The following SOX5 variants were observed in gnomAD, a reference collection of about 807,000 sequenced individuals.
The protein encoded by SOX5 is transcription factor SOX-5.
SOX5 carries 9 observed loss-of-function variants against 92.0 expected under a neutral mutation model. The observed-to-expected ratio is 0.10, with a 90% CI of 0.06 to 0.17. The LOEUF (loss-of-function observed/expected upper bound fraction) is 0.17, where lower values mean the gene tolerates loss of function less well. SOX5 is among the 10% of genes least tolerant of loss of function. The pLI is 1.00. For missense variants in SOX5, 642 were observed against 944.5 expected (o/e 0.68, Z 4.20); for synonymous variants, 344 against 336.3 (o/e 1.02, Z -0.25).
intron 3 of SOX5, among the ~76,000 whole-genome samples, chr12:23,798,357 C>T (rs2095601831): frequency 6.6e-6 from 1 of 151,828 alleles, no homozygotes; most frequent in Admixed American, 6.6e-5. Context: ...CCTATGATTG[C>T]CATTTGAAAC....
At chr12:24,340,304 C>A (rs914091148) in intron 2 of SOX5, among the ~76,000 whole-genome samples, 1 of 152,194 alleles carries the variant, frequency 6.6e-6, no homozygotes, top group Non-Finnish European at 1.5e-5. Context: ...AAGATTATCC[C>A]AAACCTAGTA....
intron 4 of SOX5, among the ~76,000 whole-genome samples, chr12:24,157,061 T>C (rs936525640): frequency 6.6e-6 from 1 of 152,134 alleles, no homozygotes; most frequent in African/African-American, 2.4e-5. Flanking sequence ...TACTTTCTCA[T>C]TTCCAAGTGT....
intron 6 of SOX5, among the ~76,000 whole-genome samples, chr12:23,723,857 A>G (rs1385300173): frequency 6.6e-6 from 1 of 151,982 alleles, no homozygotes; most frequent in South Asian, 2.1e-4. Context: ...ACCTTTTCTA[A>G]TCTACTATGT....
intron 1 of SOX5, among the ~76,000 whole-genome samples, chr12:24,466,145 C>A (rs752578063): frequency 1.3e-5 from 2 of 152,040 alleles, no homozygotes; most frequent in Non-Finnish European, 2.9e-5. Context: ...AGAATATGGT[C>A]AGTAATGAAC....
At chr12:24,106,839 T>A (rs554607101) in intron 4 of SOX5, among the ~76,000 whole-genome samples, 4 of 136,512 alleles carry the variant, frequency 2.9e-5, no homozygotes, top group South Asian at 2.3e-4. Context: ...ATAATAATAA[T>A]AAATAGAAGC....
chr12:24,191,494 G>A (rs1956522953), intron 4 of SOX5, among the ~76,000 whole-genome samples: 1 of 152,156 alleles, frequency 6.6e-6, no homozygotes. Flanking sequence ...CAGTCCCTGT[G>A]CTCCAGCCTT....
At chr12:24,379,439 T>C (rs188060959) in intron 1 of SOX5, among the ~76,000 whole-genome samples, 4 of 152,284 alleles carry the variant, frequency 2.6e-5, no homozygotes, top group African/African-American at 4.8e-5. Flanking sequence ...CCCCTAGCAA[T>C]TGAGATTATA....
chr12:23,902,429 A>G (rs754003476), intron 1 of SOX5, among the ~76,000 whole-genome samples: 19 of 152,142 alleles, frequency 1.2e-4, no homozygotes, highest in Non-Finnish European at 2.6e-4. Flanking sequence ...TTGCAGTTAT[A>G]TATAAAAAAT....
intron 2 of SOX5, among the ~76,000 whole-genome samples, chr12:24,316,167 G>A (rs574903111): frequency 6.6e-6 from 1 of 152,332 alleles, no homozygotes; most frequent in East Asian, 1.9e-4. Flanking sequence ...CCAGGAAGAA[G>A]TATCTCAAGA....
At chr12:24,181,369 G>A (rs1427799408) in intron 4 of SOX5, among the ~76,000 whole-genome samples, 1 of 152,120 alleles carries the variant, frequency 6.6e-6, no homozygotes, top group Admixed American at 6.6e-5. Flanking sequence ...GCCTCAATTT[G>A]CATTCACTAA....
At chr12:24,507,670 T>C (rs2138251327) in intron 1 of SOX5, among the ~76,000 whole-genome samples, 1 of 152,300 alleles carries the variant, frequency 6.6e-6, no homozygotes, top group South Asian at 2.1e-4. Flanking sequence ...TCAATTTCAT[T>C]AGGCTTTAAA....
chr12:23,908,404 C>A (rs564412403), intron 1 of SOX5, among the ~76,000 whole-genome samples: 33 of 152,048 alleles, frequency 2.2e-4, no homozygotes, highest in African/African-American at 7.5e-4. Context: ...ATCCAAATAA[C>A]CCTGACAAGG....
intron 5 of SOX5, among the ~76,000 whole-genome samples, chr12:23,739,078 A>G (rs536498637): frequency 4.2e-4 from 64 of 152,330 alleles, no homozygotes; most frequent in African/African-American, 1.4e-3. Context: ...GTATTTCTTC[A>G]TGCCATTCAA....
Position 24,393,420 on chromosome 12 carries a change from A to G in SOX5, c.-250-24781T>C, listed in dbSNP as rs144743040. The stretch of plus-strand genomic sequence containing the variant: ...GGAGATAACAGAATGACAATCCAGT[A>G]TGACAGAAAAGGGTTTTGCAAGGGC... On this transcript the variant is annotated intron_variant, in intron 1 of 4. Coordinates refer to the SOX5 transcript ENST00000446891. The surrounding 1 kb of genome is among the most constrained non-coding windows in gnomAD (Gnocchi z 5.0). 1.3e-3 allele frequency among the ~76,000 whole-genome samples: 197 copies of G among 152,318 alleles called. 1 individual carries two copies. Among genetic ancestry groups the G allele is most frequent in the African/African-American group, 4.6e-3 (192 of 41,574 alleles).
intron 2 of SOX5, among the ~76,000 whole-genome samples, chr12:24,289,744 C>G (rs55964340): frequency 0.29 from 36,487 of 126,802 alleles, 7,077 homozygotes; most frequent in African/African-American, 0.41. Flanking sequence ...CGTGAGCCAC[C>G]GCGCCCGGCC....
intron 3 of SOX5, among the ~76,000 whole-genome samples, chr12:23,795,958 C>A (rs1160431920): frequency 1.3e-5 from 2 of 152,072 alleles, no homozygotes; most frequent in East Asian, 3.9e-4. Flanking sequence ...GTCTGGGCGA[C>A]AAGGTCAAGA....
intron 4 of SOX5, among the ~76,000 whole-genome samples, chr12:24,197,659 C>G (rs181669326): frequency 6.6e-6 from 1 of 152,136 alleles, no homozygotes; most frequent in Non-Finnish European, 1.5e-5. Flanking sequence ...CTCCCACTTC[C>G]TTCCTAGACA....
At chr12:23,999,039 C>G (rs1028346715) in intron 4 of SOX5, among the ~76,000 whole-genome samples, 2 of 151,802 alleles carry the variant, frequency 1.3e-5, no homozygotes, top group Non-Finnish European at 2.9e-5. Context: ...AAATAAAACA[C>G]AACCACATTA....
chr12:24,301,252 C>A (rs1365641227), intron 2 of SOX5, among the ~76,000 whole-genome samples: 1 of 152,188 alleles, frequency 6.6e-6, no homozygotes, highest in Non-Finnish European at 1.5e-5. Context: ...TTCTCTTAGA[C>A]CTATTCCACT....
Sources: gnomAD v4.1 joint callset for allele counts (sites outside exome capture counted in the v4.1 genomes callset) on GRCh38, gnomAD v4.1.1 for gene constraint, Gnocchi (gnomAD v3.1) non-coding constraint, MANE v1.5 for transcripts, NCBI Gene and HGNC (gene_info 2026-07-23, HGNC 2026-07-21) for gene names.